The following KIAA1671 variants were observed in gnomAD, a reference collection of about 807,000 sequenced individuals.
KIAA1671 encodes the protein KIAA1671, also known as uncharacterized protein KIAA1671.
KIAA1671 carries 52 observed loss-of-function variants against 131.2 expected under a neutral mutation model. The ratio of observed to expected loss-of-function variants is 0.40; its 90% confidence interval spans 0.32 to 0.50. The LOEUF is 0.50. KIAA1671 is among the 20% of genes least tolerant of loss of function. The pLI is 0.73. For synonymous variants in KIAA1671, 1,003 were observed against 961.6 expected (o/e 1.04, Z -0.80); for missense variants, 2,360 against 2,364.2 (o/e 1.00, Z 0.04).
Position 25,039,996 on chromosome 22 carries a change from G to A in KIAA1671, c.2866G>A (p.Val956Met), listed in dbSNP as rs1386919927. 6 of 1,551,118 alleles carry A rather than the reference G, an allele frequency of 3.9e-6. No individual in the cohort carries two copies. Among genetic ancestry groups the A allele is most frequent in the Non-Finnish European group, 5.2e-6 (6 of 1,146,726 alleles). The change falls in exon 5 of 13, where the codon GTG becomes ATG. Residue 956 changes from valine to methionine, a missense_variant. Transcript: ENST00000358431. The stretch of plus-strand genomic sequence containing the variant: ...GCGGCGGCGGACTTTACCCCCCAAC[G>A]TGAAATTTGATACATTCAGTTCTCT... The part of the protein sequence containing the change: ...RWRRRTLPPN[V>M]KFDTFSSLVP...
chr22:25,001,222 T>C (rs1198750200), intron 1 of KIAA1671, among the ~76,000 whole-genome samples: 1 of 72,284 alleles, frequency 1.4e-5, no homozygotes, highest in East Asian at 5.7e-4. Flanking sequence ...TGTGTATATA[T>C]GTATGTGTGT....
At chr22:25,186,477 A>T (rs1934479921) in intron 11 of KIAA1671, 1 of 152,286 alleles carries the variant, frequency 6.6e-6, no homozygotes, top group Non-Finnish European at 1.5e-5. Flanking sequence ...GTGGTGGTAC[A>T]TGCCTGTGGT....
intron 6 of KIAA1671, among the ~76,000 whole-genome samples, chr22:25,079,902 T>C (rs902899442): frequency 6.6e-6 from 1 of 151,904 alleles, no homozygotes; most frequent in Non-Finnish European, 1.5e-5. Flanking sequence ...AGGGGACCAG[T>C]AAGGAACCAC....
intron 6 of KIAA1671, among the ~76,000 whole-genome samples, chr22:25,126,850 A>C (rs2145937435): frequency 6.6e-6 from 1 of 152,310 alleles, no homozygotes; most frequent in Non-Finnish European, 1.5e-5. Context: ...CATTTGCAAA[A>C]AGCCCTGTAG....
chr22:25,038,292 G>A (rs1006866453), intron 4 of KIAA1671, among the ~76,000 whole-genome samples: 1 of 152,182 alleles, frequency 6.6e-6, no homozygotes, highest in African/African-American at 2.4e-5. Flanking sequence ...GTGAGCCACC[G>A]CGCCTGGCTG....
intron 1 of KIAA1671, among the ~76,000 whole-genome samples, chr22:24,985,203 CTG>C (rs1025706527): frequency 2.6e-5 from 4 of 152,172 alleles, no homozygotes; most frequent in African/African-American, 9.7e-5. Flanking sequence ...TTTTCCCACA[CTG>C]GGATTTAAAA....
chr22:25,162,948 A>T (rs917262477), intron 6 of KIAA1671, among the ~76,000 whole-genome samples: 1 of 152,182 alleles, frequency 6.6e-6, no homozygotes, highest in African/African-American at 2.4e-5. Flanking sequence ...ATTGGTACTT[A>T]ACTTATGATG....
chr22:25,149,518 G>A (rs1044785976), intron 6 of KIAA1671, among the ~76,000 whole-genome samples: 2 of 152,034 alleles, frequency 1.3e-5, no homozygotes, highest in African/African-American at 4.8e-5. Flanking sequence ...TTCCTGCCCT[G>A]TCCCTGGTGC....
At chr22:25,181,140 T>G (rs1934257666) in intron 9 of KIAA1671, among the ~76,000 whole-genome samples, 1 of 151,938 alleles carries the variant, frequency 6.6e-6, no homozygotes, top group African/African-American at 2.4e-5. Context: ...TAGAAACTCC[T>G]CCCATATCAC....
At chr22:25,137,525 G>T (rs1324762555) in intron 6 of KIAA1671, among the ~76,000 whole-genome samples, 2 of 152,228 alleles carry the variant, frequency 1.3e-5, no homozygotes, top group Non-Finnish European at 2.9e-5. Flanking sequence ...TAAAAAACAG[G>T]TGATAAACAA....
chr22:25,111,721 G>C (rs1248914109), intron 6 of KIAA1671: 1 of 152,576 alleles, frequency 6.6e-6, no homozygotes, highest in Non-Finnish European at 1.5e-5. Context: ...CTGCCTACCT[G>C]AAGGGAAGTG....
chr22:25,018,990 A>G (rs1462607149), intron 1 of KIAA1671, among the ~76,000 whole-genome samples: 2 of 151,962 alleles, frequency 1.3e-5, no homozygotes, highest in South Asian at 2.1e-4. Context: ...GCCATTTTAT[A>G]TTCACAACAC....
intron 6 of KIAA1671, among the ~76,000 whole-genome samples, chr22:25,146,600 G>A (rs1932883090): frequency 6.6e-6 from 1 of 152,222 alleles, no homozygotes; most frequent in Non-Finnish European, 1.5e-5. Flanking sequence ...TTGACTCCCA[G>A]CACTGTGGCT....
At position 25,191,299 on chromosome 22, in the gene KIAA1671, G is replaced by A. The variant is rs545431984; in HGVS notation, c.*4+515G>A. ...GCCTCCTAAGTAGCTGGAATTACAG[G>A]TGCCTGCCACCATGCCCAGCTGATT... On this transcript the variant is annotated intron_variant, in intron 12 of 12. Coordinates refer to ENST00000358431, the MANE Select transcript of KIAA1671 (RefSeq NM_001145206.2). Among the ~76,000 whole-genome samples, 179 of 152,088 alleles carry A rather than the reference G, an allele frequency of 1.2e-3. 3 individuals are homozygous for A. In the South Asian group the frequency reaches 0.031, roughly 26 times the overall value.
At chr22:24,956,940 G>A (rs1921741011) in intron 1 of KIAA1671, among the ~76,000 whole-genome samples, 2 of 151,766 alleles carry the variant, frequency 1.3e-5, no homozygotes, top group African/African-American at 4.8e-5. Flanking sequence ...CCCTGGCCCT[G>A]CCTGCTCCTG....
intron 1 of KIAA1671, among the ~76,000 whole-genome samples, chr22:25,025,163 A>AAGAACATCACTT (rs1925872461): frequency 6.8e-6 from 1 of 147,016 alleles, no homozygotes; most frequent in African/African-American, 2.6e-5. Context: ...CTACCAAGTG[A>AAGAACATCACTT]GTCAGCACCT....
rs369680599 is a variant in KIAA1671 at position 25,020,484 on chromosome 22, C to T, written c.-207-5149C>T. On this transcript the variant is annotated intron_variant, in intron 1 of 12. Transcript: ENST00000358431. Reference sequence around the variant, plus strand: ...TTCTCTTCAGGTGTTTTTTGCACACCGACTTTATGCCCCTTATGGTTCAGA... The same window carrying T: ...TTCTCTTCAGGTGTTTTTTGCACACTGACTTTATGCCCCTTATGGTTCAGA... 7.9e-5 allele frequency among the ~76,000 whole-genome samples: 12 copies of T among 152,182 alleles called. No homozygotes were observed. In the East Asian group the frequency reaches 1.4e-3, roughly 17 times the overall value.
chr22:25,122,995 C>T (rs1303630182), intron 6 of KIAA1671, among the ~76,000 whole-genome samples: 6 of 151,374 alleles, frequency 4.0e-5, no homozygotes, highest in Non-Finnish European at 7.4e-5. Flanking sequence ...CAAAAACAGT[C>T]ATTATCATCA....
At chr22:24,954,284 C>G (rs966980512) in intron 1 of KIAA1671, among the ~76,000 whole-genome samples, 1 of 152,168 alleles carries the variant, frequency 6.6e-6, no homozygotes, top group African/African-American at 2.4e-5. Context: ...TTTCCCTCTG[C>G]TAATCCATCA....
Sources: gnomAD v4.1 joint callset for allele counts (sites outside exome capture counted in the v4.1 genomes callset) on GRCh38, gnomAD v4.1.1 for gene constraint, MANE v1.5 for transcripts, NCBI Gene and HGNC (gene_info 2026-07-23, HGNC 2026-07-21) for gene names.